The following STK3 variants were observed in gnomAD, a reference collection of about 807,000 sequenced individuals.
STK3 encodes serine/threonine-protein kinase 3.
Under a neutral mutation model 58.0 loss-of-function variants are expected in STK3, and 41 were observed. The observed-to-expected ratio is 0.71, with a 90% CI of 0.55 to 0.92. STK3 has a LOEUF of 0.92. Among genes scored for constraint, STK3 ranks in the 40% least tolerant of loss-of-function variants. The probability of loss-of-function intolerance (pLI) is 0.00; values close to 1 mark genes in which losing one functional copy is unlikely to be tolerated. For missense variants in STK3, 479 were observed against 602.7 expected (o/e 0.79, Z 2.15); for synonymous variants, 170 against 191.0 (o/e 0.89, Z 0.91).
chr8:98,847,162 G>C (rs1163205014), intron 3 of STK3, among the ~76,000 whole-genome samples: 2 of 152,176 alleles, frequency 1.3e-5, no homozygotes, highest in African/African-American at 4.8e-5. Context: ...CCAAGAGTTT[G>C]AGGTTGCAGC....
At chr8:98,715,791 C>CA (rs1300525351) in intron 4 of STK3, among the ~76,000 whole-genome samples, 1 of 152,080 alleles carries the variant, frequency 6.6e-6, no homozygotes, top group Non-Finnish European at 1.5e-5. Context: ...GGTATATACC[C>CA]AAAGGATTAT....
chr8:98,906,362 C>T (rs937718789), intron 1 of STK3: 8 of 152,502 alleles, frequency 5.2e-5, no homozygotes, highest in Admixed American at 5.2e-4. Flanking sequence ...AAGGCCTCAG[C>T]CCTGTGCACC....
chr8:98,728,271 G>A (rs957455159), intron 4 of STK3, among the ~76,000 whole-genome samples: 1 of 152,086 alleles, frequency 6.6e-6, no homozygotes, highest in Non-Finnish European at 1.5e-5. Flanking sequence ...AATAAAAAAA[G>A]TTATGGAATT....
At chr8:98,568,545 G>T (rs897578909) in intron 8 of STK3, among the ~76,000 whole-genome samples, 11 of 152,236 alleles carry the variant, frequency 7.2e-5, no homozygotes, top group Admixed American at 7.2e-4. Flanking sequence ...TAATTTTAGT[G>T]CTTCTCTCAA....
chr8:98,429,985 AGTT>A (rs2131071609), intron 3 of STK3: 1 of 167,406 alleles, frequency 6.0e-6, no homozygotes, highest in African/African-American at 2.4e-5. Flanking sequence ...CAAGTCTCTA[AGTT>A]GTTTTTATAA....
At position 98,767,326 on chromosome 8, in the gene STK3, T is replaced by C. The variant is rs762429515; in HGVS notation, c.153A>G (p.Gln51=). ...CAGGTACTTGTTTAATTGCGACAACTTGACCGGATTCCTTGTGTATTGCTT... is the reference window on the plus strand; with the variant it reads ...CAGGTACTTGTTTAATTGCGACAACCTGACCGGATTCCTTGTGTATTGCTT... ...VFKAIHKESG[Q]VVAIKQVPVE... Residue 51 remains glutamine, a synonymous_variant, in exon 3 of 11, where the codon CAA becomes CAG. Transcript: ENST00000419617. 5.6e-6 allele frequency: 9 copies of C among 1,611,346 alleles called. No homozygotes were observed. The highest frequency in any genetic ancestry group is 7.6e-6 in the Non-Finnish European group (9 of 1,179,404).
chr8:98,728,438 C>T (rs1428490556), intron 4 of STK3, among the ~76,000 whole-genome samples: 1 of 152,152 alleles, frequency 6.6e-6, no homozygotes, highest in African/African-American at 2.4e-5. Flanking sequence ...GATTAATAAT[C>T]TATCACAAAG....
chr8:98,917,664 G>C (rs12548191), intron 1 of STK3, among the ~76,000 whole-genome samples: 1 of 152,146 alleles, frequency 6.6e-6, no homozygotes, highest in Middle Eastern at 3.2e-3. Flanking sequence ...CCAGCCTCTA[G>C]AACCGTGAGA....
At chr8:98,579,619 A>C in intron 8 of STK3, 45 bp downstream of exon 8, 1 of 1,590,982 alleles carries the variant, frequency 6.3e-7, no homozygotes, top group Non-Finnish European at 8.5e-7. Context: ...TTACAGACAA[A>C]TAACTCAGAA....
Position 98,763,865 on chromosome 8 carries a change from G to C in STK3, c.236+3378C>G, listed in dbSNP as rs1490514238. On this transcript the variant is annotated intron_variant, in intron 3 of 10. Transcript: ENST00000419617. Reference sequence around the variant, plus strand: ...TTTTTATATCTATTTAGTAGAAATGGAGTTTTGCCATGTTGGCCAGGCTGG... The same window carrying C: ...TTTTTATATCTATTTAGTAGAAATGCAGTTTTGCCATGTTGGCCAGGCTGG... Among the ~76,000 whole-genome samples the C allele has an allele frequency of 5.3e-5, 8 of 152,244 alleles. No individual in the cohort carries two copies. The East Asian group carries it at 1.5e-3, about 29-fold the overall frequency.
chr8:98,882,079 C>A (rs1311473279), downstream of STK3: 3 of 152,056 alleles, frequency 2.0e-5, no homozygotes, highest in African/African-American at 7.2e-5. Flanking sequence ...ATAATCAATT[C>A]TAACTATATT....
intron 10 of STK3, among the ~76,000 whole-genome samples, chr8:98,504,650 G>A (rs1038696368): frequency 6.6e-6 from 1 of 152,162 alleles, no homozygotes; most frequent in Non-Finnish European, 1.5e-5. Context: ...CACTTATGAA[G>A]CTTAGTTTGG....
In STK3 at chr8:98,669,436, T is replaced by C. The variant is rs768680357; in HGVS notation, c.684+37031A>G. Among the ~76,000 whole-genome samples the C allele has an allele frequency of 3.3e-5, 5 of 152,206 alleles. No homozygotes were observed. In the East Asian group the frequency reaches 7.7e-4, roughly 23 times the overall value. ...CCTACCCCTTAGCTGACAGTTCAGA[T>C]GTGTGTTTTTGGTTGGTTCAAATAC... is the stretch of plus-strand genomic sequence containing the variant. On this transcript the variant is annotated intron_variant, in intron 6 of 10. Transcript: ENST00000419617.
At chr8:98,810,432 T>C (rs1297439859) in intron 1 of STK3, among the ~76,000 whole-genome samples, 2 of 151,900 alleles carry the variant, frequency 1.3e-5, no homozygotes, top group Non-Finnish European at 2.9e-5. Flanking sequence ...ACACCTGTGA[T>C]TTTCTGCTGT....
At chr8:98,557,667 C>G (rs1811704724) in intron 8 of STK3, among the ~76,000 whole-genome samples, 1 of 152,056 alleles carries the variant, frequency 6.6e-6, no homozygotes, top group South Asian at 2.1e-4. Context: ...TTTACAGTAT[C>G]TGAAAATCTA....
chr8:98,912,893 A>G (rs1217230578), intron 1 of STK3, among the ~76,000 whole-genome samples: 1 of 152,040 alleles, frequency 6.6e-6, no homozygotes, highest in African/African-American at 2.4e-5. Flanking sequence ...TTTTTTTGAC[A>G]AAGTCTCACT....
chr8:98,916,911 A>G (rs1839366516), intron 1 of STK3, among the ~76,000 whole-genome samples: 1 of 152,176 alleles, frequency 6.6e-6, no homozygotes, highest in South Asian at 2.1e-4. Flanking sequence ...GTCCTTTTTG[A>G]TGGGGATTTG....
At chr8:98,739,095 C>G (rs1416719747) in intron 4 of STK3, among the ~76,000 whole-genome samples, 1 of 152,200 alleles carries the variant, frequency 6.6e-6, no homozygotes, top group African/African-American at 2.4e-5. Flanking sequence ...CGGGAAGCTC[C>G]AACTGGGTGG....
At chr8:98,827,522 C>T (rs1443805567), upstream of STK3, among the ~76,000 whole-genome samples, 3 of 152,132 alleles carry the variant, frequency 2.0e-5, no homozygotes, top group Non-Finnish European at 4.4e-5. Context: ...GTTTAGTCCT[C>T]TTTTTGCATT....
Sources: gnomAD v4.1 joint callset for allele counts (sites outside exome capture counted in the v4.1 genomes callset) on GRCh38, gnomAD v4.1.1 for gene constraint, MANE v1.5 for transcripts, NCBI Gene and HGNC (gene_info 2026-07-23, HGNC 2026-07-21) for gene names.